GPHN: variants seen among roughly 807,000 people sequenced by gnomAD.
GPHN encodes gephyrin.
A neutral mutation model predicts 95.5 loss-of-function variants in GPHN; 17 were observed. That is an observed-to-expected ratio of 0.18 (90% CI 0.12 to 0.27). GPHN has a LOEUF of 0.27. GPHN is among the 10% of genes least tolerant of loss of function. GPHN has a pLI of 1.00. For missense variants in GPHN, 660 were observed against 978.1 expected (o/e 0.67, Z 4.34); for synonymous variants, 320 against 322.5 (o/e 0.99, Z 0.08).
the GPHN span, among the ~76,000 whole-genome samples, chr14:67,726,614 T>C: frequency 5.9e-5 from 9 of 152,174 alleles, no homozygotes; most frequent in Admixed American, 1.3e-4. Context: ...GCATGGAGCA[T>C]GTTTTCTGAT....
intron 1 of GPHN, among the ~76,000 whole-genome samples, chr14:66,546,263 C>A (rs191502861): frequency 0.013 from 2,007 of 150,636 alleles, 20 homozygotes; most frequent in Middle Eastern, 0.022. Context: ...GGCGGCCGGG[C>A]AGAGACGCTC....
chr14:66,561,571 G>A (rs569276619), intron 1 of GPHN, among the ~76,000 whole-genome samples: 2 of 151,962 alleles, frequency 1.3e-5, no homozygotes, highest in African/African-American at 4.8e-5. Context: ...GAAGAAATAG[G>A]GTACCCAGGT....
intron 4 of GPHN, among the ~76,000 whole-genome samples, chr14:66,869,035 G>T (rs888551664): frequency 1.3e-5 from 2 of 152,074 alleles, no homozygotes; most frequent in Admixed American, 6.6e-5. Context: ...ATTTTAGACC[G>T]ACTAGTTCAG....
intron 11 of GPHN, among the ~76,000 whole-genome samples, chr14:67,076,386 C>T (rs1268675524): frequency 6.6e-6 from 1 of 152,092 alleles, no homozygotes; most frequent in Non-Finnish European, 1.5e-5. Flanking sequence ...CACTGTACTG[C>T]AATACTCAGT....
chr14:66,721,097 A>C (rs1251228358), intron 2 of GPHN, among the ~76,000 whole-genome samples: 4 of 152,152 alleles, frequency 2.6e-5, no homozygotes, highest in Non-Finnish European at 5.9e-5. Flanking sequence ...CAGTTGCTTT[A>C]TTAGAGTTGT....
At chr14:67,383,473 A>G in the GPHN span, 2 of 1,609,726 alleles carry the variant, frequency 1.2e-6, no homozygotes, top group East Asian at 2.2e-5. Context: ...TTTAAGGAAC[A>G]CAGAGCAGCG....
the GPHN span, chr14:67,580,948 C>A: frequency 6.2e-7 from 1 of 1,609,958 alleles, no homozygotes; most frequent in Non-Finnish European, 8.5e-7. Flanking sequence ...ATCTGTGATG[C>A]CATCTCCAAG....
chr14:67,201,555 G>T, the GPHN span: 12 of 455,612 alleles, frequency 2.6e-5, no homozygotes, highest in South Asian at 1.9e-4. Flanking sequence ...AGGGTTGGAG[G>T]ATACCTCCTG....
At chr14:67,590,071 C>G in the GPHN span, 8 of 1,548,704 alleles carry the variant, frequency 5.2e-6, no homozygotes, top group Non-Finnish European at 7.0e-6. Flanking sequence ...GCCTTCTGAA[C>G]GCTGGGGCTC....
chr14:66,638,851 C>T (rs2064243219), intron 1 of GPHN, among the ~76,000 whole-genome samples: 1 of 152,064 alleles, frequency 6.6e-6, no homozygotes, highest in Non-Finnish European at 1.5e-5. Flanking sequence ...AGCAGATCCT[C>T]ATACTGAGTC....
intron 2 of GPHN, among the ~76,000 whole-genome samples, chr14:66,759,294 G>A (rs775728049): frequency 2.6e-5 from 4 of 152,110 alleles, no homozygotes; most frequent in Non-Finnish European, 5.9e-5. Context: ...CACAGGTTAG[G>A]AACCCTGTAT....
At chr14:67,648,268 T>C in the GPHN span, 3 of 1,454,730 alleles carry the variant, frequency 2.1e-6, no homozygotes, top group Non-Finnish European at 2.8e-6. Context: ...TTTTCTGCTA[T>C]TCCACATCAT....
At chr14:67,104,113 T>G (rs971056012) in intron 13 of GPHN, among the ~76,000 whole-genome samples, 4 of 152,186 alleles carry the variant, frequency 2.6e-5, no homozygotes, top group Non-Finnish European at 4.4e-5. Context: ...TTCCTAAGTC[T>G]GTTGAGATGA....
At chr14:67,387,421 CTT>C in the GPHN span, 1 of 1,610,046 alleles carries the variant, frequency 6.2e-7, no homozygotes, top group Non-Finnish European at 8.5e-7. Context: ...TTAGTAATCA[CTT>C]TGAAGAGGTT....
chr14:67,134,816 T>TTTTC (rs1045738878), intron 17 of GPHN, among the ~76,000 whole-genome samples: 1 of 151,792 alleles, frequency 6.6e-6, no homozygotes, highest in African/African-American at 2.4e-5. Flanking sequence ...CTACTTGTTA[T>TTTTC]TTTCTTTCTT....
At chr14:67,206,423 G>A in the GPHN span, among the ~76,000 whole-genome samples, 307 of 152,200 alleles carry the variant, frequency 2.0e-3, no homozygotes, top group African/African-American at 6.9e-3. Context: ...TTGAAACCGG[G>A]AGGTGGAGGT....
chr14:66,534,064 T>C (rs1041310394), intron 1 of GPHN, among the ~76,000 whole-genome samples: 8 of 152,210 alleles, frequency 5.3e-5, no homozygotes, highest in Non-Finnish European at 8.8e-5. Flanking sequence ...GTGTATCCTT[T>C]ATTGTAAGAA....
At chr14:67,690,537 C>T in the GPHN span, 3 of 817,794 alleles carry the variant, frequency 3.7e-6, no homozygotes, top group Non-Finnish European at 5.9e-6. Context: ...TCTTTCCCTC[C>T]AACTTTTCAT....
chr14:67,369,673 G>T, the GPHN span, among the ~76,000 whole-genome samples: 1 of 152,178 alleles, frequency 6.6e-6, no homozygotes, highest in Non-Finnish European at 1.5e-5. Context: ...TATCTTGGGA[G>T]GGAAGAGTTT....
Sources: gnomAD v4.1 joint callset for allele counts (sites outside exome capture counted in the v4.1 genomes callset) on GRCh38, gnomAD v4.1.1 for gene constraint, MANE v1.5 for transcripts, NCBI Gene and HGNC (gene_info 2026-07-23, HGNC 2026-07-21) for gene names.